The following SLC24A3 variants were observed in gnomAD, a reference collection of about 807,000 sequenced individuals.
SLC24A3 encodes the protein sodium/potassium/calcium exchanger 3.
SLC24A3 carries 28 observed loss-of-function variants against 75.8 expected under a neutral mutation model. The observed-to-expected ratio is 0.37, with a 90% CI of 0.27 to 0.51. The LOEUF is 0.51. Ranked by LOEUF, SLC24A3 falls within the 20% of genes least tolerant of loss-of-function variation. SLC24A3 has a pLI of 0.94. For synonymous variants in SLC24A3, 372 were observed against 334.1 expected, an observed-to-expected ratio of 1.11 and a Z score of -1.24; for missense variants, 663 against 847.8, an observed-to-expected ratio of 0.78 and a Z score of 2.71.
intron 2 of SLC24A3, among the ~76,000 whole-genome samples, chr20:19,360,697 G>A (rs1302569587): frequency 2.0e-5 from 3 of 152,156 alleles, no homozygotes; most frequent in African/African-American, 7.2e-5. Flanking sequence ...ACATGTGATT[G>A]TCAACATCTC....
intron 1 of SLC24A3, among the ~76,000 whole-genome samples, chr20:19,236,252 C>T (rs528171396): frequency 2.6e-5 from 4 of 152,170 alleles, no homozygotes; most frequent in Non-Finnish European, 4.4e-5. Flanking sequence ...CTCATGCCAC[C>T]TGTGAGGTGC....
At chr20:19,662,559 G>T (rs1243842669) in intron 7 of SLC24A3, among the ~76,000 whole-genome samples, 2 of 152,240 alleles carry the variant, frequency 1.3e-5, no homozygotes, top group African/African-American at 4.8e-5. Context: ...GGACATGGAG[G>T]GAGGACTGGA....
At chr20:19,234,870 T>A (rs1231510308) in intron 1 of SLC24A3, among the ~76,000 whole-genome samples, 2 of 152,252 alleles carry the variant, frequency 1.3e-5, no homozygotes, top group African/African-American at 4.8e-5. Flanking sequence ...CACACACTCC[T>A]TATAATCATC....
chr20:19,609,124 AG>A (rs2122661210), intron 6 of SLC24A3, among the ~76,000 whole-genome samples: 1 of 152,326 alleles, frequency 6.6e-6, no homozygotes, highest in African/African-American at 2.4e-5. Context: ...TTAAAGGATC[AG>A]GATGGAGACT....
chr20:19,328,710 G>A (rs1256485802), intron 2 of SLC24A3, among the ~76,000 whole-genome samples: 4 of 152,130 alleles, frequency 2.6e-5, no homozygotes, highest in Non-Finnish European at 5.9e-5. Flanking sequence ...ATGTGTCCTG[G>A]GTGTCCCAGT....
chr20:19,677,686 C>CTTTTTTTTTTTTTTTTTTTTTATTTTT (rs796484728), intron 9 of SLC24A3, among the ~76,000 whole-genome samples: 1 of 113,934 alleles, frequency 8.8e-6, no homozygotes, highest in Admixed American at 9.2e-5. Flanking sequence ...TTTTTTTTTT[C>CTTTTTTTTTTTTTTTTTTTTTATTTTT]TTTTTTTTTT....
In SLC24A3 at chr20:19,721,527, G is replaced by A. The variant is rs6046271; in HGVS notation, c.*387G>A. The A allele has an allele frequency of 0.68, 119,120 of 174,774 alleles. 41,115 individuals carry two copies. Among genetic ancestry groups the A allele is most frequent in the East Asian group, 0.94 (5,697 of 6,030 alleles). 10.8% of individuals were successfully genotyped at this position (174,774 alleles called of 1,614,324 possible). ...AAGACTCACCTAATTTGTGACCTGAGACTGTTGAAGAAATAGAGAGGAGGG... is the reference window on the plus strand; with the variant it reads ...AAGACTCACCTAATTTGTGACCTGAAACTGTTGAAGAAATAGAGAGGAGGG... On this transcript the variant is annotated 3_prime_UTR_variant, in exon 17 of 17. Transcript: ENST00000328041.
intron 1 of SLC24A3, among the ~76,000 whole-genome samples, chr20:19,279,309 C>A (rs1361249752): frequency 6.6e-6 from 1 of 152,210 alleles, no homozygotes; most frequent in Non-Finnish European, 1.5e-5. Flanking sequence ...CCGCCCGCGG[C>A]AACTTTGGAC....
At chr20:19,674,705 C>T (rs1204638269) in intron 9 of SLC24A3, among the ~76,000 whole-genome samples, 2 of 152,236 alleles carry the variant, frequency 1.3e-5, no homozygotes, top group Non-Finnish European at 1.5e-5. Context: ...TATTTTAAAA[C>T]CACCATGTTA....
At position 19,373,284 on chromosome 20, in the gene SLC24A3, G is replaced by A. The variant is rs377709349; in HGVS notation, c.271+92197G>A. 4.9e-4 allele frequency among the ~76,000 whole-genome samples: 74 copies of A among 152,260 alleles called. No individual in the cohort carries two copies. The South Asian group carries it at 0.011, about 23-fold the overall frequency. Reference sequence around the variant, plus strand: ...CCCAGGGGAAATCAAGGCCTCTCTCGGAGGCCCTTCCTTGTCCTGCCCAGG... The same window carrying A: ...CCCAGGGGAAATCAAGGCCTCTCTCAGAGGCCCTTCCTTGTCCTGCCCAGG... On this transcript the variant is annotated intron_variant, in intron 2 of 16. Transcript: ENST00000328041.
At chr20:19,669,820 A>C (rs1169211825) in intron 8 of SLC24A3, among the ~76,000 whole-genome samples, 2 of 152,060 alleles carry the variant, frequency 1.3e-5, no homozygotes, top group African/African-American at 4.8e-5. Context: ...TGAGGAGAGG[A>C]GCAGTCCTCA....
At position 19,433,601 on chromosome 20, in the gene SLC24A3, G is replaced by GT. The variant is rs778844280; in HGVS notation, c.272-81886dup. Among the ~76,000 whole-genome samples the GT allele has an allele frequency of 2.6e-5, 4 of 152,316 alleles. No homozygotes were observed. The East Asian group carries it at 7.7e-4, about 29-fold the overall frequency. ...GCCTTGTGGTAGGCCCTGGAATTTG[G>GT]TAAGAGTGACTCAGTAGAGACTCTC... On this transcript the variant is annotated intron_variant, in intron 2 of 16. Transcript: ENST00000328041.
intron 6 of SLC24A3, among the ~76,000 whole-genome samples, chr20:19,604,343 T>C (rs1035169313): frequency 6.6e-5 from 10 of 151,992 alleles, no homozygotes; most frequent in African/African-American, 2.4e-4. Flanking sequence ...GGAGGAGCCA[T>C]GTGAAGACCT....
intron 12 of SLC24A3, among the ~76,000 whole-genome samples, chr20:19,686,859 T>C (rs780075549): frequency 2.0e-5 from 3 of 152,226 alleles, no homozygotes; most frequent in Non-Finnish European, 4.4e-5. Context: ...TACTTGTTAG[T>C]ACATTATCTT....
chr20:19,353,638 A>G (rs1985619586), intron 2 of SLC24A3, among the ~76,000 whole-genome samples: 1 of 152,226 alleles, frequency 6.6e-6, no homozygotes, highest in Admixed American at 6.5e-5. Flanking sequence ...GCTGCAGAGG[A>G]AGACAGAGCA....
chr20:19,401,769 G>T (rs943527872), intron 2 of SLC24A3, among the ~76,000 whole-genome samples: 1 of 152,158 alleles, frequency 6.6e-6, no homozygotes, highest in African/African-American at 2.4e-5. Flanking sequence ...CCTTGTCCAA[G>T]AATCCCTCTC....
intron 6 of SLC24A3, among the ~76,000 whole-genome samples, chr20:19,607,591 T>G (rs1308837172): frequency 3.3e-5 from 5 of 152,236 alleles, no homozygotes; most frequent in African/African-American, 2.4e-5. Context: ...TCACTCAGCC[T>G]TTAAGCCTCA....
chr20:19,257,267 C>A (rs1982842957), intron 1 of SLC24A3, among the ~76,000 whole-genome samples: 1 of 152,162 alleles, frequency 6.6e-6, no homozygotes, highest in Admixed American at 6.5e-5. Context: ...CCATCTACAG[C>A]TGTGGATGGG....
rs1422464094 is a variant in SLC24A3, at chr20:19,698,696, C to T, written c.1719+16C>T. 1.3e-6 allele frequency: 2 copies of T among 1,546,508 alleles called. No individual in the cohort carries two copies. The highest frequency in any genetic ancestry group is 1.8e-6 in the Non-Finnish European group (2 of 1,137,992). ...CGGATCCTACGTAAGTGGTTTTCTCCAGGACTTCTCCTGAAATCCAGGGCT... is the reference window on the plus strand; with the variant it reads ...CGGATCCTACGTAAGTGGTTTTCTCTAGGACTTCTCCTGAAATCCAGGGCT... On this transcript the variant is annotated intron_variant, in intron 15 of 16. Transcript: ENST00000328041.
Sources: allele counts gnomAD v4.1 joint callset (sites outside exome capture counted in the v4.1 genomes callset), GRCh38; gene constraint gnomAD v4.1.1; transcripts MANE v1.5; gene names NCBI Gene and HGNC (gene_info 2026-07-23, HGNC 2026-07-21).